Variants in DCAF1 observed in about 807,000 individuals in gnomAD.
DCAF1 encodes DDB1 and CUL4 associated factor 1, also known as DDB1- and CUL4-associated factor 1.
In DCAF1, 15 loss-of-function variants were observed where a neutral mutation model predicts 128.0. That is an observed-to-expected ratio of 0.12 (90% confidence interval 0.08 to 0.18). The LOEUF (loss-of-function observed/expected upper bound fraction) is 0.18, where lower values mean the gene tolerates loss of function less well. Ranked by LOEUF, DCAF1 falls within the 10% of genes least tolerant of loss-of-function variation. DCAF1 has a pLI of 1.00. For missense variants in DCAF1, 988 were observed against 1,649.5 expected, an observed-to-expected ratio of 0.60 and a Z score of 6.95; for synonymous variants, 610 against 603.0, an observed-to-expected ratio of 1.01 and a Z score of -0.17.
chr3:51,494,811 G>C (rs1708061761), intron 2 of DCAF1, among the ~76,000 whole-genome samples: 1 of 152,004 alleles, frequency 6.6e-6, no homozygotes, highest in Admixed American at 6.6e-5. Context: ...TCTCCACTTG[G>C]CCTTCCAAAG....
chr3:51,490,756 C>G (rs1707539940), intron 2 of DCAF1, among the ~76,000 whole-genome samples: 1 of 151,960 alleles, frequency 6.6e-6, no homozygotes, highest in African/African-American at 2.4e-5. Context: ...GAAACCCCAT[C>G]TCTACTAAAA....
chr3:51,471,908 A>G (rs1367562976), intron 3 of DCAF1, among the ~76,000 whole-genome samples: 1 of 151,938 alleles, frequency 6.6e-6, no homozygotes, highest in African/African-American at 2.4e-5. Context: ...CTCTCCCACA[A>G]CAATTTCTGT....
chr3:51,413,263 T>A lies in DCAF1; in HGVS notation c.4036+19A>T. The A allele has an allele frequency of 2.5e-6, 4 of 1,609,754 alleles. No homozygotes were observed. The highest frequency in any genetic ancestry group is 3.4e-6 in the Non-Finnish European group (4 of 1,177,778). Reference sequence around the variant, plus strand: ...CCAAAACACGACAAAATGTTCAATGTCTGTCCCTTTCTGCTTACCTATAGG... The same window carrying A: ...CCAAAACACGACAAAATGTTCAATGACTGTCCCTTTCTGCTTACCTATAGG... On this transcript the variant is annotated intron_variant, in intron 21 of 24. Transcript: ENST00000684031.
intron 23 of DCAF1, among the ~76,000 whole-genome samples, chr3:51,406,195 T>G (rs2090092800): frequency 6.6e-6 from 1 of 151,520 alleles, no homozygotes; most frequent in Admixed American, 6.6e-5. Context: ...TACAAAAAAT[T>G]TGCTGGGTGT....
intron 4 of DCAF1, among the ~76,000 whole-genome samples, chr3:51,468,560 A>G (rs1258675785): frequency 6.6e-6 from 1 of 152,214 alleles, no homozygotes; most frequent in African/African-American, 2.4e-5. Context: ...AAAACATACA[A>G]TAGAGAATGA....
chr3:51,457,926 A>G (rs1208244751), intron 6 of DCAF1, among the ~76,000 whole-genome samples: 7 of 152,228 alleles, frequency 4.6e-5, no homozygotes, highest in Admixed American at 3.9e-4. Context: ...CTAAACATGG[A>G]AAGAAACAAC....
chr3:51,477,057 G>A (rs1346827071), intron 3 of DCAF1, among the ~76,000 whole-genome samples: 1 of 151,966 alleles, frequency 6.6e-6, no homozygotes, highest in Non-Finnish European at 1.5e-5. Flanking sequence ...ACTCCAGCCT[G>A]AGCGACAGAG....
intron 6 of DCAF1, among the ~76,000 whole-genome samples, chr3:51,444,360 T>TA (rs376066730): frequency 0.019 from 2,649 of 137,144 alleles, 23 homozygotes; most frequent in Non-Finnish European, 0.019. Context: ...ACCTTCTTTT[T>TA]AAAAAAAAAA....
intron 3 of DCAF1, among the ~76,000 whole-genome samples, chr3:51,478,158 C>G (rs1311912215): frequency 6.6e-6 from 1 of 151,950 alleles, no homozygotes; most frequent in Non-Finnish European, 1.5e-5. Context: ...CACGTGCCAC[C>G]ACGCCTGGCT....
At chr3:51,486,859 C>T (rs1707022747) in intron 2 of DCAF1, among the ~76,000 whole-genome samples, 1 of 152,084 alleles carries the variant, frequency 6.6e-6, no homozygotes, top group Non-Finnish European at 1.5e-5. Context: ...GTCTCGAACT[C>T]CTGACCTCAT....
At chr3:51,499,063 G>C (rs566394550) in intron 1 of DCAF1, among the ~76,000 whole-genome samples, 9 of 152,286 alleles carry the variant, frequency 5.9e-5, no homozygotes, top group Admixed American at 3.3e-4. Flanking sequence ...CTCAAAAATA[G>C]CTAAATACAA....
intron 16 of DCAF1, 29 bp downstream of exon 16, chr3:51,418,645 ATGAC>A (rs781844444): frequency 1.8e-5 from 28 of 1,577,448 alleles, no homozygotes; most frequent in Non-Finnish European, 2.3e-5. Flanking sequence ...TCTTGGAAGA[ATGAC>A]TGAGAGCATC....
intron 18 of DCAF1, among the ~76,000 whole-genome samples, chr3:51,416,167 CA>C (rs1162997011): frequency 6.0e-5 from 9 of 150,546 alleles, no homozygotes; most frequent in African/African-American, 1.5e-4. Flanking sequence ...TCATCTCACT[CA>C]AAAAAAAAGC....
chr3:51,466,746 T>A, intron 5 of DCAF1, 57 bp downstream of exon 5: 2 of 1,564,728 alleles, frequency 1.3e-6, no homozygotes, highest in Non-Finnish European at 1.8e-6. Context: ...GAAAAAACAA[T>A]AAAGATACAG....
intron 23 of DCAF1, among the ~76,000 whole-genome samples, chr3:51,411,178 AAAAG>A (rs1413233630): frequency 6.6e-6 from 1 of 151,844 alleles, no homozygotes; most frequent in Non-Finnish European, 1.5e-5. Context: ...AAAAAAAAAA[AAAAG>A]AGAGACAAAG....
chr3:51,463,787 C>T (rs534134872), intron 5 of DCAF1, among the ~76,000 whole-genome samples: 1 of 151,670 alleles, frequency 6.6e-6, no homozygotes, highest in African/African-American at 2.4e-5. Context: ...TCCAAAAAAA[C>T]AACAACAACA....
chr3:51,408,724 C>A (rs1048932954), intron 23 of DCAF1, among the ~76,000 whole-genome samples: 1 of 152,192 alleles, frequency 6.6e-6, no homozygotes, highest in South Asian at 2.1e-4. Context: ...CAAATAGATA[C>A]GGTATTATCC....
chr3:51,487,977 G>A (rs1707170593), intron 2 of DCAF1, among the ~76,000 whole-genome samples: 1 of 152,052 alleles, frequency 6.6e-6, no homozygotes, highest in Non-Finnish European at 1.5e-5. Flanking sequence ...CGATTCTCCT[G>A]CCTCAGCTTC....
intron 18 of DCAF1, 36 bp from the exon 19 acceptor site, chr3:51,414,893 ACCAAT>A: frequency 6.3e-7 from 1 of 1,594,020 alleles, no homozygotes; most frequent in Non-Finnish European, 8.6e-7. Context: ...GAAAAATCAG[ACCAAT>A]CCATCCACTG....
Sources: gnomAD v4.1 joint callset for allele counts (sites outside exome capture counted in the v4.1 genomes callset) on GRCh38, gnomAD v4.1.1 for gene constraint, MANE v1.5 for transcripts, NCBI Gene and HGNC (gene_info 2026-07-23, HGNC 2026-07-21) for gene names.